The following OR9Q1 variants were observed in gnomAD, a reference collection of about 807,000 sequenced individuals.
The protein encoded by OR9Q1 is olfactory receptor 9Q1.
For missense variants in OR9Q1, 374 were observed against 378.8 expected (o/e 0.99, Z 0.11); for synonymous variants, 153 against 148.6 (o/e 1.03, Z -0.22).
intron 2 of OR9Q1, among the ~76,000 whole-genome samples, chr11:58,169,475 A>AT (rs1241332278): frequency 6.6e-6 from 1 of 151,650 alleles, no homozygotes; most frequent in Non-Finnish European, 1.5e-5. Flanking sequence ...CCCTGGTGGC[A>AT]TTTTTTGCTT....
intron 2 of OR9Q1, among the ~76,000 whole-genome samples, chr11:58,130,024 A>G (rs1382624660): frequency 6.6e-6 from 1 of 152,082 alleles, no homozygotes; most frequent in African/African-American, 2.4e-5. Context: ...CCATCAACCC[A>G]TCATATAGGT....
At chr11:58,081,068 T>G (rs1486396803) in intron 2 of OR9Q1, among the ~76,000 whole-genome samples, 1 of 151,858 alleles carries the variant, frequency 6.6e-6, no homozygotes, top group Non-Finnish European at 1.5e-5. Flanking sequence ...ACATGTGGTG[T>G]TTGGTTTTCT....
chr11:58,099,481 T>C (rs183474606), intron 2 of OR9Q1, among the ~76,000 whole-genome samples: 22 of 152,152 alleles, frequency 1.4e-4, no homozygotes, highest in Admixed American at 1.2e-3. Flanking sequence ...TCTCTGGTTA[T>C]ATTATTTGTT....
At chr11:58,065,369 C>T (rs1853418854) in intron 2 of OR9Q1, among the ~76,000 whole-genome samples, 1 of 146,222 alleles carries the variant, frequency 6.8e-6, no homozygotes, top group African/African-American at 2.5e-5. Flanking sequence ...AGGCAAAAGA[C>T]ACACAGCACA....
At chr11:58,096,127 T>C (rs1287400235) in intron 2 of OR9Q1, among the ~76,000 whole-genome samples, 1 of 150,086 alleles carries the variant, frequency 6.7e-6, no homozygotes, top group Non-Finnish European at 1.5e-5. Context: ...TCCCTCATTT[T>C]CTCTCTCTCT....
At chr11:58,040,668 G>A (rs1853152807) in intron 1 of OR9Q1, 1 of 152,230 alleles carries the variant, frequency 6.6e-6, no homozygotes, top group South Asian at 2.1e-4. Context: ...CTCAGGGACA[G>A]GGAGGGGTTC....
chr11:58,112,498 C>A (rs1286303544), intron 2 of OR9Q1, among the ~76,000 whole-genome samples: 1 of 152,088 alleles, frequency 6.6e-6, no homozygotes, highest in Non-Finnish European at 1.5e-5. Context: ...CCTAGAAGGG[C>A]CATACCTTTT....
rs143873313 is a variant in OR9Q1, at chr11:58,100,018, C to G, written c.-15+44071C>G. ...TTGTAAATCACATTAGATGGGGTGC[C>G]TTAGTTTCTGTTCCACATAGTGTAG... On this transcript the variant is annotated intron_variant, in intron 2 of 2. Transcript: ENST00000335397. Among the ~76,000 whole-genome samples the G allele has an allele frequency of 5.8e-3, 890 of 152,180 alleles. 9 individuals carry two copies. The highest frequency in any genetic ancestry group is 0.051 in the Middle Eastern group (15 of 294).
At chr11:58,145,751 G>A (rs959391775) in intron 2 of OR9Q1, among the ~76,000 whole-genome samples, 2 of 152,084 alleles carry the variant, frequency 1.3e-5, no homozygotes, top group South Asian at 2.1e-4. Flanking sequence ...TCTGTCCTGC[G>A]TATTGTGGAG....
chr11:58,080,884 G>A (rs1853581041), intron 2 of OR9Q1, among the ~76,000 whole-genome samples: 1 of 151,952 alleles, frequency 6.6e-6, no homozygotes, highest in African/African-American at 2.4e-5. Flanking sequence ...TTGTCACATA[G>A]GTATACATGT....
intron 1 of OR9Q1, among the ~76,000 whole-genome samples, chr11:58,053,813 A>T (rs533857560): frequency 6.6e-6 from 1 of 151,910 alleles, no homozygotes; most frequent in Admixed American, 6.6e-5. Context: ...GGAACAGCTT[A>T]AAAAGCAGAA....
chr11:58,035,945 G>T (rs1435031463), intron 1 of OR9Q1, among the ~76,000 whole-genome samples: 61 of 141,490 alleles, frequency 4.3e-4, no homozygotes, highest in African/African-American at 8.3e-4. Flanking sequence ...ACTGGTACTG[G>T]TTTTTTTTTT....
intron 2 of OR9Q1, among the ~76,000 whole-genome samples, chr11:58,132,299 C>A (rs1854148708): frequency 6.6e-6 from 1 of 152,136 alleles, no homozygotes; most frequent in Non-Finnish European, 1.5e-5. Context: ...TACACTAGGC[C>A]ACACAGGATA....
intron 2 of OR9Q1, among the ~76,000 whole-genome samples, chr11:58,138,323 A>T (rs1390861991): frequency 1.3e-5 from 2 of 152,178 alleles, no homozygotes; most frequent in African/African-American, 4.8e-5. Context: ...CCACAGTGTA[A>T]GCTAATGTTA....
rs936422621 is a variant in OR9Q1, at chr11:58,181,088, C to T, written c.*711C>T. ...GCCTCACACAAACTTTTAACAATGC[C>T]TACAATAACATGTCTGTCAATTGCT... On this transcript the variant is annotated 3_prime_UTR_variant, in exon 3 of 3. Coordinates refer to ENST00000335397, the MANE Select transcript of OR9Q1 (RefSeq NM_001005212.4). 2 of 167,050 alleles carry T rather than the reference C, an allele frequency of 1.2e-5. No individual in the cohort carries two copies. Among genetic ancestry groups the T allele is most frequent in the Non-Finnish European group, 2.9e-5 (2 of 68,128 alleles). 10.3% of individuals were successfully genotyped at this position (167,050 alleles called of 1,614,324 possible).
At chr11:58,129,856 T>C (rs766481871) in intron 2 of OR9Q1, among the ~76,000 whole-genome samples, 28 of 152,068 alleles carry the variant, frequency 1.8e-4, no homozygotes, top group Non-Finnish European at 3.5e-4. Context: ...GCTTTTTTTT[T>C]CTGTTTTTTT....
rs559135854 is a variant in OR9Q1 at position 58,082,213 on chromosome 11, A to AG, written c.-15+26269dup. Among the ~76,000 whole-genome samples the AG allele has an allele frequency of 5.1e-3, 782 of 152,316 alleles. 3 individuals are homozygous for AG. The highest frequency in any genetic ancestry group is 9.1e-3 in the Non-Finnish European group (616 of 68,022). ...GTGGAAGTCGGTGTGGCAATTCCTC[A>AG]GGGATCTAGAACTAGAAATAGCATT... On this transcript the variant is annotated intron_variant, in intron 2 of 2. Transcript: ENST00000335397.
intron 2 of OR9Q1, among the ~76,000 whole-genome samples, chr11:58,147,020 G>A (rs562552911): frequency 7.2e-5 from 11 of 152,258 alleles, no homozygotes; most frequent in African/African-American, 2.4e-4. Context: ...TGGAAAGGAC[G>A]CTGGTGGTGG....
At chr11:58,129,913 G>A (rs558306966) in intron 2 of OR9Q1, among the ~76,000 whole-genome samples, 70 of 151,928 alleles carry the variant, frequency 4.6e-4, no homozygotes, top group Non-Finnish European at 8.4e-4. Flanking sequence ...AAATACAGGT[G>A]AGTTTATTTT....
Sources: gnomAD v4.1 joint callset for allele counts (sites outside exome capture counted in the v4.1 genomes callset) on GRCh38, gnomAD v4.1.1 for gene constraint, MANE v1.5 for transcripts, NCBI Gene and HGNC (gene_info 2026-07-23, HGNC 2026-07-21) for gene names.